Variants in ZNF496 observed in about 807,000 individuals in gnomAD.
ZNF496 encodes the protein zinc finger protein 496.
Under a neutral mutation model 58.9 loss-of-function variants are expected in ZNF496, and 11 were observed. That is an observed-to-expected ratio of 0.19 (90% CI 0.12 to 0.31). ZNF496 has a LOEUF of 0.31. Among genes scored for constraint, ZNF496 ranks in the 10% least tolerant of loss-of-function variants. ZNF496 has a pLI of 1.00. For synonymous variants in ZNF496, 338 were observed against 318.2 expected (o/e 1.06, Z -0.66); for missense variants, 660 against 783.0 (o/e 0.84, Z 1.88).
intron 5 of ZNF496, among the ~76,000 whole-genome samples, chr1:247,328,322 GCTC>G (rs1660205945): frequency 6.6e-6 from 1 of 152,164 alleles, no homozygotes; most frequent in South Asian, 2.1e-4. Context: ...AAATGGCCAT[GCTC>G]CAGTCATGCA....
At chr1:247,317,786 G>T (rs905082737) in intron 6 of ZNF496, among the ~76,000 whole-genome samples, 1 of 152,194 alleles carries the variant, frequency 6.6e-6, no homozygotes, top group Non-Finnish European at 1.5e-5. Flanking sequence ...CAGCCACACC[G>T]AAGTTAAGGT....
chr1:247,301,953 G>T (rs562848189), intron 9 of ZNF496, among the ~76,000 whole-genome samples: 1 of 152,300 alleles, frequency 6.6e-6, no homozygotes, highest in Admixed American at 6.5e-5. Context: ...CAGTAGCACC[G>T]CATTTCTGAG....
At chr1:247,326,139 T>TATAC (rs1211064589) in intron 5 of ZNF496, among the ~76,000 whole-genome samples, 5 of 140,354 alleles carry the variant, frequency 3.6e-5, no homozygotes, top group African/African-American at 8.6e-5. Flanking sequence ...TATATATATA[T>TATAC]ACACACATAT....
intron 5 of ZNF496, among the ~76,000 whole-genome samples, chr1:247,326,047 TATAC>T (rs1452642405): frequency 2.9e-4 from 16 of 54,268 alleles, no homozygotes; most frequent in Admixed American, 7.7e-4. Flanking sequence ...CATATATATA[TATAC>T]ACACACACAC....
intron 5 of ZNF496, among the ~76,000 whole-genome samples, chr1:247,325,752 C>T (rs1432829130): frequency 2.0e-5 from 3 of 152,098 alleles, no homozygotes; most frequent in African/African-American, 7.2e-5. Flanking sequence ...GCTTCAGCCC[C>T]CTGAGTAGCT....
intron 5 of ZNF496, among the ~76,000 whole-genome samples, chr1:247,326,069 T>TAC (rs386370384): frequency 0.081 from 11,820 of 146,576 alleles, 557 homozygotes; most frequent in Middle Eastern, 0.23. Context: ...CACACATATA[T>TAC]ACACACACAC....
At chr1:247,307,860 G>T (rs1467906824) in intron 9 of ZNF496, 2 of 985,290 alleles carry the variant, frequency 2.0e-6, no homozygotes, top group Non-Finnish European at 2.4e-6. Flanking sequence ...TCTGCTTCTG[G>T]AAGTGGTGAC....
chr1:247,312,931 T>C (rs553430276), intron 6 of ZNF496: 1 of 152,264 alleles, frequency 6.6e-6, no homozygotes, highest in African/African-American at 2.4e-5. Context: ...TGGGCTGCTC[T>C]AACAAAATAC....
intron 5 of ZNF496, 107 bp downstream of exon 5, chr1:247,328,576 C>T: frequency 1.6e-6 from 2 of 1,212,246 alleles, no homozygotes; most frequent in Non-Finnish European, 2.2e-6. Context: ...GACACGAGAA[C>T]ACTGCTGATG....
chr1:247,313,624 C>T (rs907788677), intron 6 of ZNF496: 2 of 152,200 alleles, frequency 1.3e-5, no homozygotes, highest in Non-Finnish European at 2.9e-5. Context: ...TATGTTGTTG[C>T]ACGTTACCAA....
rs1659168671 is a variant in ZNF496, at chr1:247,299,550, A to C, written c.*969T>G. The C allele has an allele frequency of 6.6e-6, 1 of 152,242 alleles. No individual in the cohort carries two copies. The highest frequency in any genetic ancestry group is 1.5e-5 in the Non-Finnish European group (1 of 68,066). The allele number at this position is 152,242 out of a possible 1,614,324, so 9.4% of individuals were successfully genotyped here. ...AGCACTCCAAGCTAATGTATCTATC[A>C]AGTGTGTTGTCAGGCAAGGTTCTGT... On this transcript the variant is annotated 3_prime_UTR_variant, in exon 10 of 10. Coordinates refer to ENST00000682384, the MANE Select transcript of ZNF496 (RefSeq NM_032752.3).
intron 9 of ZNF496, among the ~76,000 whole-genome samples, chr1:247,303,533 AC>A (rs1193032904): frequency 2.0e-5 from 3 of 152,198 alleles, no homozygotes; most frequent in Non-Finnish European, 2.9e-5. Context: ...TGGTAGAAAT[AC>A]GGACGTTATA....
At chr1:247,307,543 A>G (rs1333854102) in intron 9 of ZNF496, 2 of 985,280 alleles carry the variant, frequency 2.0e-6, no homozygotes, top group Non-Finnish European at 2.4e-6. Context: ...CACTCTTGGC[A>G]CGCAGAGGTG....
chr1:247,320,026 A>G (rs151088765), intron 6 of ZNF496, among the ~76,000 whole-genome samples: 31 of 152,354 alleles, frequency 2.0e-4, no homozygotes, highest in African/African-American at 7.2e-4. Flanking sequence ...TATATTATGC[A>G]ATTATTAATC....
intron 5 of ZNF496, among the ~76,000 whole-genome samples, chr1:247,323,917 C>G (rs1288050578): frequency 1.3e-5 from 2 of 151,558 alleles, no homozygotes; most frequent in African/African-American, 4.8e-5. Context: ...GAGTTCAAGA[C>G]CAGTCTGGGC....
chr1:247,324,063 T>C (rs2103030635), intron 5 of ZNF496, among the ~76,000 whole-genome samples: 1 of 127,654 alleles, frequency 7.8e-6, no homozygotes. Context: ...TGACAGAACA[T>C]GGCTCTGTCT....
At chr1:247,311,442 C>CACACACAT (rs1296549384) in intron 6 of ZNF496, 1 of 147,234 alleles carries the variant, frequency 6.8e-6, no homozygotes, top group East Asian at 2.0e-4. Flanking sequence ...CACACACACA[C>CACACACAT]ACACACACAC....
In ZNF496 at chr1:247,304,619, G is replaced by C. The variant is rs372512852; in HGVS notation, c.1007-3343C>G. Among the ~76,000 whole-genome samples, 9 of 152,222 alleles carry C rather than the reference G, an allele frequency of 5.9e-5. No individual in the cohort carries two copies. The East Asian group carries it at 1.5e-3, about 26-fold the overall frequency. ...ACTACTGACCTCAGGTGATCCGCCT[G>C]CCTCGGCCTCCCAAAGTGCTGGGAT... On this transcript the variant is annotated intron_variant, in intron 9 of 9. Transcript: ENST00000682384.
chr1:247,320,379 G>A (rs1659921176), intron 6 of ZNF496, among the ~76,000 whole-genome samples: 3 of 152,098 alleles, frequency 2.0e-5, no homozygotes, highest in South Asian at 2.1e-4. Context: ...AATCCCCAAA[G>A]GTTACATATT....
Sources: allele counts gnomAD v4.1 joint callset (sites outside exome capture counted in the v4.1 genomes callset), GRCh38; gene constraint gnomAD v4.1.1; transcripts MANE v1.5; gene names NCBI Gene and HGNC (gene_info 2026-07-23, HGNC 2026-07-21).